The following GAS7 variants were observed in gnomAD, a reference collection of about 807,000 sequenced individuals.
GAS7 encodes the protein growth arrest-specific protein 7.
A neutral mutation model predicts 71.1 loss-of-function variants in GAS7; 28 were observed. The ratio of observed to expected loss-of-function variants is 0.39; its 90% CI spans 0.29 to 0.54. The LOEUF (loss-of-function observed/expected upper bound fraction) is 0.54. Among genes scored for constraint, GAS7 ranks in the 20% least tolerant of loss-of-function variants. The probability of loss-of-function intolerance (pLI) is 0.62; values close to 1 mark genes in which losing one functional copy is unlikely to be tolerated. For missense variants in GAS7, 436 were observed against 627.8 expected (o/e 0.69, Z 3.27); for synonymous variants, 258 against 245.8 (o/e 1.05, Z -0.46).
At chr17:10,136,157 G>T (rs187658163) in intron 1 of GAS7, among the ~76,000 whole-genome samples, 1 of 152,294 alleles carries the variant, frequency 6.6e-6, no homozygotes, top group East Asian at 1.9e-4. Flanking sequence ...AATGCAAACT[G>T]TAACTGTGTG....
chr17:9,993,755 C>T (rs1200820001), intron 2 of GAS7, among the ~76,000 whole-genome samples: 15 of 150,056 alleles, frequency 1.0e-4, no homozygotes, highest in South Asian at 6.4e-4. Context: ...TGTTTGCAGA[C>T]GACATGATTG....
At chr17:9,999,278 G>A (rs2071167515) in intron 2 of GAS7, among the ~76,000 whole-genome samples, 1 of 152,150 alleles carries the variant, frequency 6.6e-6, no homozygotes, top group African/African-American at 2.4e-5. Context: ...AGCACTTTGG[G>A]AGGCCGAGGC....
chr17:10,021,071 C>T (rs1320198179), intron 1 of GAS7, among the ~76,000 whole-genome samples: 3 of 152,104 alleles, frequency 2.0e-5, no homozygotes, highest in Non-Finnish European at 2.9e-5. Flanking sequence ...AGCTAAAGAA[C>T]ATTTTAAAAT....
intron 1 of GAS7, among the ~76,000 whole-genome samples, chr17:10,097,949 C>G (rs1361891541): frequency 4.0e-5 from 6 of 151,264 alleles, no homozygotes; most frequent in African/African-American, 1.5e-4. Flanking sequence ...GAGGCTGAGA[C>G]AGGAGAATCA....
intron 1 of GAS7, among the ~76,000 whole-genome samples, chr17:10,128,877 C>T (rs2073974291): frequency 6.6e-6 from 1 of 152,202 alleles, no homozygotes; most frequent in Non-Finnish European, 1.5e-5. Context: ...CCCACCTCGG[C>T]CTCCCAAAGT....
chr17:10,005,132 T>C (rs1282775299), intron 2 of GAS7, among the ~76,000 whole-genome samples: 136 of 150,342 alleles, frequency 9.0e-4, no homozygotes, highest in African/African-American at 3.1e-3. Context: ...CATACCAGCA[T>C]GTGTGCGCGC....
Position 9,916,786 on chromosome 17 carries a change from C to A in GAS7, c.*442G>T. The A allele has an allele frequency of 2.5e-6, 1 of 401,908 alleles. No individual in the cohort carries two copies. The highest frequency in any genetic ancestry group is 1.3e-4 in the South Asian group (1 of 7,494). 24.9% of individuals were successfully genotyped at this position (401,908 alleles called of 1,614,324 possible). ...CTGTGAGCTGAATGGCACCTTCTAC[C>A]CATGATTCTGATCCTGACACCTGGC... On this transcript the variant is annotated 3_prime_UTR_variant, in exon 14 of 14. Transcript: ENST00000432992.
At chr17:9,954,756 C>T (rs886794242) in intron 5 of GAS7, among the ~76,000 whole-genome samples, 1 of 152,104 alleles carries the variant, frequency 6.6e-6, no homozygotes, top group Admixed American at 6.6e-5. Flanking sequence ...GGACAGCTCC[C>T]CACAACAAAG....
intron 2 of GAS7, among the ~76,000 whole-genome samples, chr17:9,995,318 C>G (rs1350358854): frequency 6.6e-6 from 1 of 152,086 alleles, no homozygotes; most frequent in Non-Finnish European, 1.5e-5. Context: ...TGTTCAGTAA[C>G]ATGGCTGATG....
chr17:10,159,582 A>G (rs1204324858), intron 1 of GAS7, among the ~76,000 whole-genome samples: 1 of 152,122 alleles, frequency 6.6e-6, no homozygotes, highest in African/African-American at 2.4e-5. Flanking sequence ...TAACTTCTCT[A>G]TGCTCAGTTT....
chr17:10,191,639 G>A (rs576497679), intron 1 of GAS7, among the ~76,000 whole-genome samples: 10 of 151,222 alleles, frequency 6.6e-5, no homozygotes, highest in African/African-American at 2.2e-4. Flanking sequence ...CACTTTGGGA[G>A]GCTGAGGCGG....
At chr17:10,092,064 C>G (rs889440642) in intron 1 of GAS7, among the ~76,000 whole-genome samples, 1 of 152,188 alleles carries the variant, frequency 6.6e-6, no homozygotes, top group African/African-American at 2.4e-5. Flanking sequence ...AACAGTCTCC[C>G]CCGTTTCTCC....
Position 9,919,657 on chromosome 17 carries a change from T to C in GAS7, c.1187A>G (p.Lys396Arg), listed in dbSNP as rs776365443. 2.4e-5 allele frequency: 38 copies of C among 1,613,644 alleles called. No individual in the cohort carries two copies. The highest frequency in any genetic ancestry group is 4.0e-5 in the African/African-American group (3 of 74,842). The part of the protein sequence containing the change: ...CVDLYNQAQS[K>R]WFEEMVTTTL... The stretch of plus-strand genomic sequence containing the variant: ...GGTGGTCACCATCTCTTCAAACCAT[T>C]TGGACTGGGCCTGGTTGTAGAGATC... The change falls in exon 12 of 14, where the codon AAA becomes AGA. Residue 396 changes from lysine (K) to arginine (R), a missense_variant. Transcript: ENST00000432992. The surrounding 1 kb of genome is among the most constrained non-coding windows in gnomAD (Gnocchi z 5.0).
intron 1 of GAS7, among the ~76,000 whole-genome samples, chr17:10,075,895 T>C (rs1316438307): frequency 6.6e-6 from 1 of 150,584 alleles, no homozygotes; most frequent in African/African-American, 2.4e-5. Flanking sequence ...GGCTAGGAGT[T>C]TGAGACCAAC....
chr17:10,116,891 G>C (rs1024111399), intron 1 of GAS7, among the ~76,000 whole-genome samples: 1 of 151,982 alleles, frequency 6.6e-6, no homozygotes, highest in Non-Finnish European at 1.5e-5. Context: ...AAATGATGAG[G>C]GGGGGAAAAG....
rs1464807521 is a variant in GAS7 at position 9,915,606 on chromosome 17, A to G, written c.*1622T>C. On this transcript the variant is annotated 3_prime_UTR_variant, in exon 14 of 14. Transcript: ENST00000432992. ...TGTGAACTATACGAAAGCAATTCTC[A>G]TTCAATGAAAGAGGCGCCAAAAAAT... The G allele has an allele frequency of 8.8e-6, 2 of 227,188 alleles. No individual in the cohort carries two copies. The highest frequency in any genetic ancestry group is 1.7e-5 in the Non-Finnish European group (2 of 114,334). 14.1% of individuals were successfully genotyped at this position (227,188 alleles called of 1,614,324 possible).
intron 5 of GAS7, among the ~76,000 whole-genome samples, chr17:9,955,807 G>A (rs968322067): frequency 5.9e-5 from 9 of 152,098 alleles, no homozygotes; most frequent in African/African-American, 1.7e-4. Context: ...CACTTCCCCC[G>A]AGACCAGTGT....
intron 1 of GAS7, among the ~76,000 whole-genome samples, chr17:10,134,037 C>CT (rs950710602): frequency 0.024 from 1,601 of 67,120 alleles, 28 homozygotes; most frequent in South Asian, 0.19. Flanking sequence ...TTTCTTTTTT[C>CT]TTTTTTTTTT....
rs1050143047 is a variant in GAS7 at position 9,969,009 on chromosome 17, C to T, written c.471+668G>A. On this transcript the variant is annotated intron_variant, in intron 4 of 13. Transcript: ENST00000432992. This position sits in a 1 kb window ranked among gnomAD's most constrained non-coding sequence, Gnocchi z 5.5. ...CCTCAGTTTTTTAGGCACAGCTTCACGCAACTAGAAAAGCCGTAAGCACTG... is the reference window on the plus strand; with the variant it reads ...CCTCAGTTTTTTAGGCACAGCTTCATGCAACTAGAAAAGCCGTAAGCACTG... 5.9e-5 allele frequency among the ~76,000 whole-genome samples: 9 copies of T among 152,270 alleles called. No individual in the cohort carries two copies. In the South Asian group the frequency reaches 1.2e-3, roughly 21 times the overall value.
Sources: allele counts gnomAD v4.1 joint callset (sites outside exome capture counted in the v4.1 genomes callset), GRCh38; gene constraint gnomAD v4.1.1; non-coding constraint Gnocchi (gnomAD v3.1); transcripts MANE v1.5; gene names NCBI Gene and HGNC (gene_info 2026-07-23, HGNC 2026-07-21).